Variants in BICD2 observed in about 807,000 individuals in gnomAD.
BICD2 encodes the protein protein bicaudal D homolog 2.
A neutral mutation model predicts 72.9 loss-of-function variants in BICD2; 25 were observed. The observed-to-expected ratio is 0.34, with a 90% confidence interval of 0.25 to 0.48. BICD2 has a LOEUF of 0.48. Ranked by LOEUF, BICD2 falls within the 20% of genes least tolerant of loss-of-function variation. BICD2 has a pLI of 0.99. For missense variants in BICD2, 894 were observed against 1,175.2 expected, an observed-to-expected ratio of 0.76 and a Z score of 3.50; for synonymous variants, 501 against 516.1, an observed-to-expected ratio of 0.97 and a Z score of 0.40.
intron 1 of BICD2, among the ~76,000 whole-genome samples, chr9:92,741,720 G>A (rs753485125): frequency 6.6e-6 from 1 of 152,158 alleles, no homozygotes; most frequent in Non-Finnish European, 1.5e-5. Context: ...AGATGCATTT[G>A]AGTTACCCAC....
In BICD2 at chr9:92,718,733, T is replaced by C. The variant is rs756663748; in HGVS notation, c.1912A>G (p.Ile638Val). Residue 638 changes from isoleucine to valine, a missense_variant, in exon 5 of 7, where the codon ATC (isoleucine) becomes GTC (valine). Physicochemically the swap from Ile to Val is conservative, Grantham distance 29 (BLOSUM62 3). This residue lies in a region of BICD2 where 321 missense variants were observed against 443.9 expected (regional missense o/e 0.72). Coordinates refer to ENST00000356884, the MANE Select transcript of BICD2 (RefSeq NM_001003800.2). ...YNLIAIIRDQ[I>V]KHLQAAVDRT... ...TCCACGGCTGCCTGCAGGTGCTTGA[T>C]CTGGTCACGGATGATAGCGATCAGG... The C allele has an allele frequency of 4.3e-6, 7 of 1,613,992 alleles. No individual in the cohort carries two copies. The Admixed American group carries it at 1.2e-4, about 27-fold the overall frequency.
In BICD2 at chr9:92,718,983, C is replaced by T. The variant is rs1190861854; in HGVS notation, c.1662G>A (p.Leu554=). ...CNNETPNRVM[L]DYYREGQGGA... ...CGCCCTGGCCCTCGCGGTAGTAGTC[C>T]AGCATGACACGGTTGGGTGTCTCAT... Residue 554 remains leucine (L), a synonymous_variant, in exon 5 of 7, where the codon CTG becomes CTA. Coordinates refer to ENST00000356884, the MANE Select transcript of BICD2 (RefSeq NM_001003800.2). 1 of 1,611,238 alleles carries T rather than the reference C, an allele frequency of 6.2e-7. No individual in the cohort carries two copies. The highest frequency in any genetic ancestry group is 1.1e-5 in the South Asian group (1 of 91,058).
At chr9:92,731,124 G>A (rs1421316492) in intron 1 of BICD2, among the ~76,000 whole-genome samples, 1 of 152,218 alleles carries the variant, frequency 6.6e-6, no homozygotes, top group Non-Finnish European at 1.5e-5. Context: ...GGGCCCGCCG[G>A]CTGCAGGCGG....
At chr9:92,754,883 T>C (rs560968731) in intron 1 of BICD2, among the ~76,000 whole-genome samples, 53 of 152,246 alleles carry the variant, frequency 3.5e-4, no homozygotes, top group East Asian at 1.9e-3. Context: ...ACTGCACAAA[T>C]TGTACAGCAT....
chr9:92,715,843 C>T (rs1234057005), intron 6 of BICD2, among the ~76,000 whole-genome samples: 1 of 152,182 alleles, frequency 6.6e-6, no homozygotes, highest in Non-Finnish European at 1.5e-5. Flanking sequence ...TTAAAGGCCT[C>T]GAGGTGGCCT....
chr9:92,742,663 G>A (rs761555818), intron 1 of BICD2, among the ~76,000 whole-genome samples: 3 of 151,836 alleles, frequency 2.0e-5, no homozygotes, highest in Admixed American at 6.6e-5. Flanking sequence ...GATTACAGGC[G>A]TGAGCCACTG....
chr9:92,746,855 C>T (rs187151008), intron 1 of BICD2, among the ~76,000 whole-genome samples: 76 of 152,278 alleles, frequency 5.0e-4, no homozygotes, highest in African/African-American at 1.7e-3. Flanking sequence ...GGCAGCCACA[C>T]GAGAGCACAC....
At position 92,713,219 on chromosome 9, in the gene BICD2, G is replaced by A. The variant is rs1853227457; in HGVS notation, c.*1935C>T. The A allele has an allele frequency of 5.5e-6, 3 of 545,646 alleles. No individual in the cohort carries two copies. The highest frequency in any genetic ancestry group is 1.9e-5 in the African/African-American group (1 of 52,948). 33.8% of individuals were successfully genotyped at this position (545,646 alleles called of 1,614,324 possible). A position where few individuals can be genotyped will look rare whatever the true frequency, so the allele number is the denominator to read the frequency against. ...TGGCAGCCAGGGAAGAAGGGTCTTC[G>A]GCCCATACAGAGGCCTTTCCACGCA... On this transcript the variant is annotated 3_prime_UTR_variant, in exon 7 of 7. Transcript: ENST00000356884.
At chr9:92,739,551 G>A (rs1853857111) in intron 1 of BICD2, among the ~76,000 whole-genome samples, 1 of 152,206 alleles carries the variant, frequency 6.6e-6, no homozygotes, top group Admixed American at 6.5e-5. Context: ...ACACTTGGCA[G>A]GCAGGGAGGC....
Position 92,714,982 on chromosome 9 carries a change from C to A in BICD2, c.*172G>T. 1 of 1,408,248 alleles carries A rather than the reference C, an allele frequency of 7.1e-7. No homozygotes were observed. The highest frequency in any genetic ancestry group is 1.6e-5 in the South Asian group (1 of 62,000). 87.2% of individuals were successfully genotyped at this position (1,408,248 alleles called of 1,614,324 possible). A position where few individuals can be genotyped will look rare whatever the true frequency, so the allele number is the denominator to read the frequency against. On this transcript the variant is annotated 3_prime_UTR_variant, in exon 7 of 7. Coordinates refer to ENST00000356884, the MANE Select transcript of BICD2 (RefSeq NM_001003800.2). ...GGGGGCTTTGAGGAGTGAGAAGCGA[C>A]ACAAAGCTCTCACAAGTGTCCTGCT...
chr9:92,727,004 A>G (rs913075073), intron 2 of BICD2, among the ~76,000 whole-genome samples: 4 of 152,198 alleles, frequency 2.6e-5, no homozygotes, highest in African/African-American at 9.7e-5. Context: ...CGGGCCAGAC[A>G]GATGGCAGCT....
At chr9:92,751,869 A>G (rs118166764) in intron 1 of BICD2, among the ~76,000 whole-genome samples, 11,428 of 147,744 alleles carry the variant, frequency 0.077, 579 homozygotes, top group South Asian at 0.19. Flanking sequence ...TAATGATGCG[A>G]TCTTGGCACA....
rs766539334 is a variant in BICD2, at chr9:92,719,227, C to A, written c.1418G>T (p.Arg473Leu). 1.2e-6 allele frequency: 2 copies of A among 1,611,660 alleles called. No individual in the cohort carries two copies. Among genetic ancestry groups the A allele is most frequent in the Non-Finnish European group, 1.7e-6 (2 of 1,179,976 alleles). ...GAGTGCCTGGCCCTCAGCCTCATAG[C>A]GGCCCTTCTCCTCGGCGTGCTGGGC... ...REAQHAEEKG[R>L]YEAEGQALTE... is the part of the protein sequence containing the mutation. Residue 473 changes from arginine (R) to leucine (L), a missense_variant, in exon 5 of 7, where the codon CGC (arginine) becomes CTC (leucine). By Grantham distance (102) the Arg-to-Leu change is moderately radical. Around this residue, in one of 5 missense-constraint regions of BICD2, gnomAD observed 371 missense variants for 439.1 expected, o/e 0.84. Coordinates refer to ENST00000356884, the MANE Select transcript of BICD2 (RefSeq NM_001003800.2).
At chr9:92,763,288 T>C (rs1854408952) in intron 1 of BICD2, among the ~76,000 whole-genome samples, 1 of 152,116 alleles carries the variant, frequency 6.6e-6, no homozygotes, top group African/African-American at 2.4e-5. Flanking sequence ...TAGGCACCTG[T>C]CTGGGCTGAC....
chr9:92,731,664 G>A (rs750091674), intron 1 of BICD2, among the ~76,000 whole-genome samples: 13 of 152,162 alleles, frequency 8.5e-5, no homozygotes, highest in Admixed American at 3.3e-4. Context: ...GGCAGACCCT[G>A]TCAAGGAGGG....
intron 1 of BICD2, among the ~76,000 whole-genome samples, chr9:92,732,309 T>C (rs185368680): frequency 2.5e-4 from 38 of 152,260 alleles, no homozygotes; most frequent in East Asian, 1.5e-3. Flanking sequence ...AAACAGAGCA[T>C]TGGTGAAGTA....
In BICD2 at chr9:92,720,585, C is replaced by T. The variant is rs1853443835; in HGVS notation, c.777G>A (p.Lys259=). ...TEREQKNSLR[K]ELSHYMSIND... ...TGATGCTCATGTAGTGTGACAGCTCCTTGCGCAGGCTGTTCTTCTGTTCGC... is the reference window on the plus strand; with the variant it reads ...TGATGCTCATGTAGTGTGACAGCTCTTTGCGCAGGCTGTTCTTCTGTTCGC... The change falls in exon 4 of 7, where the codon AAG becomes AAA. Residue 259 remains lysine, a synonymous_variant. Transcript: ENST00000356884. The surrounding 1 kb of genome is among the most constrained non-coding windows in gnomAD (Gnocchi z 5.4). The T allele has an allele frequency of 1.2e-6, 2 of 1,614,080 alleles. No individual in the cohort carries two copies. The highest frequency in any genetic ancestry group is 1.3e-5 in the African/African-American group (1 of 74,924).
chr9:92,749,120 C>T lies in BICD2; in HGVS notation c.240+15385G>A, dbSNP rs1854090221. Among the ~76,000 whole-genome samples the T allele has an allele frequency of 2.0e-5, 3 of 151,716 alleles. No homozygotes were observed. In the South Asian group the frequency reaches 6.3e-4, roughly 32 times the overall value. On this transcript the variant is annotated intron_variant, in intron 1 of 6. Transcript: ENST00000356884. ...CTCAAGCAGGAGCCTGGGAAGGCTG[C>T]AGGAGTCCCTGCAAGACAGGGTGGG...
chr9:92,745,449 G>C (rs1853991122), intron 1 of BICD2, among the ~76,000 whole-genome samples: 1 of 151,914 alleles, frequency 6.6e-6, no homozygotes, highest in African/African-American at 2.4e-5. Context: ...ACAGGGGAGG[G>C]GGGTCCCCTG....
Sources: gnomAD v4.1 joint callset for allele counts (sites outside exome capture counted in the v4.1 genomes callset) on GRCh38, gnomAD v4.1.1 for gene constraint, gnomAD v4.1.1 regional missense constraint, Gnocchi (gnomAD v3.1) non-coding constraint, MANE v1.5 for transcripts, NCBI Gene and HGNC (gene_info 2026-07-23, HGNC 2026-07-21) for gene names.